WDR64: variants seen among roughly 807,000 people sequenced by gnomAD.
The protein encoded by WDR64 is WD repeat-containing protein 64.
In WDR64, 112 loss-of-function variants were observed where a neutral mutation model predicts 139.3. The ratio of observed to expected loss-of-function variants is 0.80; its 90% CI spans 0.69 to 0.94. The LOEUF (loss-of-function observed/expected upper bound fraction) is 0.94. WDR64 is among the 40% of genes least tolerant of loss of function. WDR64 has a pLI of 0.00. For synonymous variants in WDR64, 444 were observed against 437.7 expected (o/e 1.01, Z -0.18); for missense variants, 1,206 against 1,293.1 (o/e 0.93, Z 1.03).
intron 3 of WDR64, among the ~76,000 whole-genome samples, chr1:241,673,603 ATGTTCCCTCCAAGAACTAATT>A (rs1273683707): frequency 6.6e-6 from 1 of 152,210 alleles, no homozygotes; most frequent in Non-Finnish European, 1.5e-5. Context: ...AAATGGATTC[ATGTTCCCTCCAAGAACTAATT>A]TGTACCCCTT....
intron 8 of WDR64, among the ~76,000 whole-genome samples, chr1:241,687,925 G>C (rs796120080): frequency 3.9e-5 from 6 of 152,222 alleles, no homozygotes; most frequent in African/African-American, 1.4e-4. Context: ...ATTCTTACAG[G>C]TCAGTTGGCT....
At chr1:241,737,001 A>G (rs1367462165) in intron 10 of WDR64, among the ~76,000 whole-genome samples, 2 of 152,206 alleles carry the variant, frequency 1.3e-5, no homozygotes, top group African/African-American at 4.8e-5. Context: ...AATAAAAAAC[A>G]GTTTGCATAG....
rs564981487 is a variant in WDR64, at chr1:241,749,521, CAT to C, written c.1595-24_1595-23del. The C allele has an allele frequency of 9.1e-5, 146 of 1,601,000 alleles. 2 individuals carry two copies. In the African/African-American group the frequency reaches 1.2e-3, roughly 13 times the overall value. On this transcript the variant is annotated intron_variant, in intron 13 of 27. Transcript: ENST00000437684. ...GCTTTCTCTAAGTCATTTTTACCCA[CAT>C]AGTCTTTTTCTCTGTATGCTCAGGA...
At chr1:241,698,093 T>C (rs1667567549) in intron 8 of WDR64, among the ~76,000 whole-genome samples, 1 of 152,216 alleles carries the variant, frequency 6.6e-6, no homozygotes. Flanking sequence ...TTGGGACTTC[T>C]TCTTGCTCAA....
intron 11 of WDR64, 118 bp from the exon 12 acceptor site, chr1:241,741,398 G>T: frequency 1.4e-6 from 1 of 736,914 alleles, no homozygotes; most frequent in Non-Finnish European, 2.1e-6. Context: ...CCTAGGCATT[G>T]ATTGATATTG....
Position 241,750,093 on chromosome 1 carries a change from TA to T in WDR64, c.1770+373del, listed in dbSNP as rs1426323477. On this transcript the variant is annotated intron_variant, in intron 14 of 27. Coordinates refer to ENST00000437684, the MANE Select transcript of WDR64 (RefSeq NM_001367482.1). ...AGCAGGCTCTGTCCCTTATAACCCA[TA>T]ATGCATTCAGGAATGCTCAAGTCAC... Among the ~76,000 whole-genome samples the T allele has an allele frequency of 2.6e-5, 4 of 152,326 alleles. No homozygotes were observed. In the East Asian group the frequency reaches 7.7e-4, roughly 29 times the overall value.
chr1:241,757,649 GTTTTTT>G (rs35256499), intron 15 of WDR64, among the ~76,000 whole-genome samples, 190 bp downstream of exon 15: 1 of 95,228 alleles, frequency 1.1e-5, no homozygotes, highest in African/African-American at 4.1e-5. Context: ...CAATGGATTT[GTTTTTT>G]TTTTTTTTTT....
At chr1:241,773,484 T>TTTC (rs1558519512) in intron 20 of WDR64, among the ~76,000 whole-genome samples, 2 of 152,212 alleles carry the variant, frequency 1.3e-5, no homozygotes, top group Non-Finnish European at 2.9e-5. Context: ...TTGTTTGTTT[T>TTTC]TTTAAGATGG....
chr1:241,657,439 C>T (rs1267330914), intron 1 of WDR64, among the ~76,000 whole-genome samples: 1 of 152,210 alleles, frequency 6.6e-6, no homozygotes, highest in Non-Finnish European at 1.5e-5. Context: ...CTCTGCCCTC[C>T]TTCGCCCCTG....
rs186320593 is a variant in WDR64 at position 241,683,630 on chromosome 1, C to T, written c.768C>T (p.Asp256=). The T allele has an allele frequency of 6.4e-7, 1 of 1,551,450 alleles. No homozygotes were observed. Among genetic ancestry groups the T allele is most frequent in the East Asian group, 2.4e-5 (1 of 40,922 alleles). The change falls in exon 7 of 28, where the codon GAC becomes GAT. Residue 256 remains aspartate (D), a synonymous_variant. Coordinates refer to ENST00000437684, the MANE Select transcript of WDR64 (RefSeq NM_001367482.1). ...ACAGATTCACAGTCAACAGTGATGA[C>T]TTTGGAATAAAGCAGGCAAAATCCA... ...FVNRFTVNSD[D]FGIKQAKSKR...
intron 18 of WDR64, 42 bp downstream of exon 18, chr1:241,770,732 A>G (rs1658398491): frequency 6.5e-7 from 1 of 1,536,010 alleles, no homozygotes; most frequent in African/African-American, 1.4e-5. Flanking sequence ...TGTCATACTC[A>G]ATGTTGGTTC....
chr1:241,787,777 G>A (rs560161079), intron 23 of WDR64, 72 bp from the exon 24 acceptor site: 8 of 1,329,886 alleles, frequency 6.0e-6, no homozygotes, highest in Middle Eastern at 3.9e-4. Context: ...TTACATAAAC[G>A]ATCTAATGAA....
intron 10 of WDR64, among the ~76,000 whole-genome samples, chr1:241,725,148 G>A (rs1170627889): frequency 2.0e-5 from 3 of 152,148 alleles, no homozygotes; most frequent in East Asian, 1.9e-4. Context: ...AAGGGCAAAG[G>A]TTTAAGAACA....
At chr1:241,751,118 T>A (rs2148265033) in intron 14 of WDR64, among the ~76,000 whole-genome samples, 1 of 152,322 alleles carries the variant, frequency 6.6e-6, no homozygotes, top group East Asian at 1.9e-4. Flanking sequence ...ATATTTGCCA[T>A]GTTCCAGAAG....
At chr1:241,724,932 A>G (rs1668742506) in intron 10 of WDR64, among the ~76,000 whole-genome samples, 1 of 152,132 alleles carries the variant, frequency 6.6e-6, no homozygotes, top group African/African-American at 2.4e-5. Context: ...CACTTACACA[A>G]GGTCACAGAG....
chr1:241,654,334 C>CA (rs1279986291), intron 1 of WDR64, among the ~76,000 whole-genome samples: 1 of 152,186 alleles, frequency 6.6e-6, no homozygotes, highest in African/African-American at 2.4e-5. Context: ...CTGACAATAT[C>CA]ACCACTTAAC....
intron 23 of WDR64, among the ~76,000 whole-genome samples, chr1:241,785,208 G>T (rs1326808278): frequency 6.6e-6 from 1 of 152,052 alleles, no homozygotes; most frequent in Admixed American, 6.5e-5. Context: ...GTCTTGGTCT[G>T]TTCAGGCAGC....
intron 10 of WDR64, among the ~76,000 whole-genome samples, chr1:241,728,728 C>T (rs1423556812): frequency 6.6e-6 from 1 of 152,094 alleles, no homozygotes; most frequent in Admixed American, 6.5e-5. Context: ...ATATAATCTT[C>T]ACTTACTTTC....
chr1:241,783,861 A>T (rs914569972), intron 23 of WDR64, among the ~76,000 whole-genome samples: 2 of 152,240 alleles, frequency 1.3e-5, no homozygotes, highest in African/African-American at 2.4e-5. Context: ...CTATACACAA[A>T]ATGCTAAAGA....
Sources: gnomAD v4.1 joint callset for allele counts (sites outside exome capture counted in the v4.1 genomes callset) on GRCh38, gnomAD v4.1.1 for gene constraint, MANE v1.5 for transcripts, NCBI Gene and HGNC (gene_info 2026-07-23, HGNC 2026-07-21) for gene names.